KLHL32: variants seen among roughly 807,000 people sequenced by gnomAD.
The protein encoded by KLHL32 is kelch-like protein 32.
Under a neutral mutation model 64.8 loss-of-function variants are expected in KLHL32, and 35 were observed. That is an observed-to-expected ratio of 0.54 (90% CI 0.41 to 0.72). The LOEUF (loss-of-function observed/expected upper bound fraction) is 0.72. KLHL32 is among the 30% of genes least tolerant of loss of function. The pLI is 0.00. For synonymous variants in KLHL32, 259 were observed against 281.0 expected, an observed-to-expected ratio of 0.92 and a Z score of 0.78; for missense variants, 589 against 768.5, an observed-to-expected ratio of 0.77 and a Z score of 2.76.
At chr6:97,072,239 C>T (rs1582927997) in intron 5 of KLHL32, among the ~76,000 whole-genome samples, 1 of 152,156 alleles carries the variant, frequency 6.6e-6, no homozygotes, top group African/African-American at 2.4e-5. Context: ...TCTCTTTCCA[C>T]TACTACTGTC....
At chr6:97,074,856 A>T (rs1181834467) in intron 5 of KLHL32, among the ~76,000 whole-genome samples, 2 of 150,994 alleles carry the variant, frequency 1.3e-5, no homozygotes, top group Non-Finnish European at 2.9e-5. Context: ...AACTATTTTC[A>T]ATTAAAAGAA....
chr6:97,026,857 A>G (rs950213964), intron 3 of KLHL32, among the ~76,000 whole-genome samples: 1 of 152,130 alleles, frequency 6.6e-6, no homozygotes, highest in Admixed American at 6.5e-5. Flanking sequence ...CTTCTAAAAA[A>G]TTCTCTATAG....
intron 2 of KLHL32, among the ~76,000 whole-genome samples, chr6:96,971,074 G>A (rs887624962): frequency 7.9e-5 from 12 of 151,998 alleles, no homozygotes; most frequent in African/African-American, 2.9e-4. Context: ...AAGTAGCCTA[G>A]TTAAGAAATG....
intron 6 of KLHL32, among the ~76,000 whole-genome samples, chr6:97,110,055 C>A (rs1029460549): frequency 6.6e-6 from 1 of 152,110 alleles, no homozygotes; most frequent in Non-Finnish European, 1.5e-5. Context: ...ATAATTGGAA[C>A]CCCGTGTCTT....
intron 3 of KLHL32, among the ~76,000 whole-genome samples, chr6:96,990,832 T>C (rs1317915997): frequency 6.6e-6 from 1 of 152,074 alleles, no homozygotes; most frequent in Non-Finnish European, 1.5e-5. Flanking sequence ...CCTCTTCTCT[T>C]TAAGATGGCT....
chr6:97,039,317 A>G (rs1417512529), intron 3 of KLHL32, among the ~76,000 whole-genome samples: 1 of 152,094 alleles, frequency 6.6e-6, no homozygotes, highest in East Asian at 1.9e-4. Context: ...TGTCACTCAT[A>G]TGTGAGAGCT....
intron 6 of KLHL32, among the ~76,000 whole-genome samples, chr6:97,094,315 T>G (rs930562935): frequency 6.6e-6 from 1 of 152,116 alleles, no homozygotes; most frequent in Non-Finnish European, 1.5e-5. Flanking sequence ...CTAGAATTAT[T>G]TACATTCTAA....
intron 1 of KLHL32, among the ~76,000 whole-genome samples, chr6:96,957,834 G>A (rs887128464): frequency 6.6e-6 from 1 of 152,140 alleles, no homozygotes; most frequent in African/African-American, 2.4e-5. Flanking sequence ...CTTATATAAA[G>A]AAACTTTTAT....
chr6:96,954,302 C>A (rs1035372233), intron 1 of KLHL32, among the ~76,000 whole-genome samples: 2 of 116,854 alleles, frequency 1.7e-5, no homozygotes, highest in African/African-American at 6.6e-5. Flanking sequence ...TTTTAGTTTT[C>A]TTTCCTTCAA....
chr6:96,950,732 G>A (rs1004848512), intron 1 of KLHL32, among the ~76,000 whole-genome samples: 6 of 152,194 alleles, frequency 3.9e-5, no homozygotes, highest in Non-Finnish European at 5.9e-5. Flanking sequence ...GAGAGAATTA[G>A]CATGTTCGTC....
intron 5 of KLHL32, among the ~76,000 whole-genome samples, chr6:97,073,279 C>G (rs576165729): frequency 7.9e-5 from 12 of 152,176 alleles, no homozygotes; most frequent in Admixed American, 1.3e-4. Flanking sequence ...TATTCTTCCT[C>G]TTAGCCACTT....
At chr6:97,056,175 G>A (rs1295377309) in intron 4 of KLHL32, among the ~76,000 whole-genome samples, 7 of 137,640 alleles carry the variant, frequency 5.1e-5, no homozygotes, top group Non-Finnish European at 9.0e-5. Context: ...GCACGATCTC[G>A]GCTCACTGGA....
In KLHL32 at chr6:97,085,256, A is replaced by T; in HGVS notation, c.542A>T (p.Glu181Val). ...LSELLKSRPE[E>V]VLTLPYCLLQ... ...GAACTCCTGAAGAGCCGCCCAGAAG[A>T]AGTTCTAACGCTTCCCTATTGCCTG... Residue 181 changes from glutamate (E) to valine (V), a missense_variant, in exon 6 of 11, where the codon GAA (glutamate) becomes GTA (valine). Coordinates refer to ENST00000369261, the MANE Select transcript of KLHL32 (RefSeq NM_052904.4). The T allele has an allele frequency of 6.2e-7, 1 of 1,613,922 alleles. No individual in the cohort carries two copies. Among genetic ancestry groups the T allele is most frequent in the Non-Finnish European group, 8.5e-7 (1 of 1,180,030 alleles).
In KLHL32 at chr6:97,118,373, C is replaced by T. The variant is rs535505221; in HGVS notation, c.1354+3864C>T. Reference sequence around the variant, plus strand: ...GTGGCTCACGCCAGTAATCCCAGCACTTTGGGAGGCCGAGGCGGGCGGATC... The same window carrying T: ...GTGGCTCACGCCAGTAATCCCAGCATTTTGGGAGGCCGAGGCGGGCGGATC... On this transcript the variant is annotated intron_variant, in intron 7 of 10. Transcript: ENST00000369261. Among the ~76,000 whole-genome samples, 265 of 152,254 alleles carry T rather than the reference C, an allele frequency of 1.7e-3. 3 individuals are homozygous for T. Among genetic ancestry groups the T allele is most frequent in the African/African-American group, 6.0e-3 (250 of 41,558 alleles).
At chr6:97,104,197 T>C (rs1031376326) in intron 6 of KLHL32, among the ~76,000 whole-genome samples, 3 of 152,234 alleles carry the variant, frequency 2.0e-5, no homozygotes, top group African/African-American at 7.2e-5. Flanking sequence ...TGTTATAAGA[T>C]TGAGCAAAGG....
Position 97,139,444 on chromosome 6 carries a change from A to C in KLHL32, c.*162A>C. The C allele has an allele frequency of 3.2e-6, 2 of 623,062 alleles. No individual in the cohort carries two copies. The highest frequency in any genetic ancestry group is 4.2e-5 in the South Asian group (2 of 47,664). The allele number at this position is 623,062 out of a possible 1,614,324, so 38.6% of individuals were successfully genotyped here. On this transcript the variant is annotated 3_prime_UTR_variant, in exon 11 of 11. Transcript: ENST00000369261. ...CAATTTTCTAAAATACGTTATTGAA[A>C]ACTCGTCACCCTTCTCAGTGTATGT...
chr6:97,096,989 C>T (rs939276484), intron 6 of KLHL32, among the ~76,000 whole-genome samples: 2 of 152,102 alleles, frequency 1.3e-5, no homozygotes, highest in Non-Finnish European at 2.9e-5. Context: ...TTTTCAAGAG[C>T]GAATTTGTTA....
chr6:97,003,674 G>A (rs947868250), intron 3 of KLHL32, among the ~76,000 whole-genome samples: 14 of 152,110 alleles, frequency 9.2e-5, no homozygotes, highest in African/African-American at 3.4e-4. Context: ...TGTATATACT[G>A]TAAGGAAGGG....
At chr6:96,958,033 G>C (rs1773458939) in intron 1 of KLHL32, among the ~76,000 whole-genome samples, 1 of 152,236 alleles carries the variant, frequency 6.6e-6, no homozygotes, top group African/African-American at 2.4e-5. Flanking sequence ...CAGTGAGCAA[G>C]ATAGATGTGG....
Sources: gnomAD v4.1 joint callset for allele counts (sites outside exome capture counted in the v4.1 genomes callset) on GRCh38, gnomAD v4.1.1 for gene constraint, MANE v1.5 for transcripts, NCBI Gene and HGNC (gene_info 2026-07-23, HGNC 2026-07-21) for gene names.